Variants in RGS12 observed in about 807,000 individuals in gnomAD.
RGS12 encodes the protein regulator of G protein signaling 12.
RGS12 carries 66 observed loss-of-function variants against 120.1 expected under a neutral mutation model. The ratio of observed to expected loss-of-function variants is 0.55; its 90% CI spans 0.45 to 0.67. RGS12 has a LOEUF of 0.67. RGS12 is among the 30% of genes least tolerant of loss of function. The pLI is 0.00. For synonymous variants in RGS12, 827 were observed against 804.7 expected, an observed-to-expected ratio of 1.03 and a Z score of -0.47; for missense variants, 1,859 against 1,957.7, an observed-to-expected ratio of 0.95 and a Z score of 0.95.
At chr4:3,338,087 T>G (rs529752693) in intron 2 of RGS12, among the ~76,000 whole-genome samples, 1 of 152,218 alleles carries the variant, frequency 6.6e-6, no homozygotes, top group South Asian at 2.1e-4. Context: ...TTAGACAGAG[T>G]TTTGCTCTTG....
At chr4:3,436,516 T>TG (rs1251974478) in intron 17 of RGS12, among the ~76,000 whole-genome samples, 2 of 151,902 alleles carry the variant, frequency 1.3e-5, no homozygotes, top group African/African-American at 4.8e-5. Flanking sequence ...GGGCGGGCAG[T>TG]GGGAGAGGTG....
At position 3,430,833 on chromosome 4, in the gene RGS12, C is replaced by A. The variant is rs201116297; in HGVS notation, c.3992C>A (p.Thr1331Lys). The A allele has an allele frequency of 1.9e-6, 3 of 1,611,656 alleles. No homozygotes were observed. Among genetic ancestry groups the A allele is most frequent in the Non-Finnish European group, 2.5e-6 (3 of 1,179,482 alleles). The change falls in exon 17 of 18, where the codon ACG (threonine) becomes AAG (lysine). Residue 1331 changes from threonine (T) to lysine (K), a missense_variant. Transcript: ENST00000336727. ...SQEVEAGGIQ[T>K]VEDEHVAELT... ...GAAGTGGAGGCCGGGGGCATCCAGACGGTGGAGGATGAGCACGTGGCCGAG... is the reference window on the plus strand; with the variant it reads ...GAAGTGGAGGCCGGGGGCATCCAGAAGGTGGAGGATGAGCACGTGGCCGAG...
In RGS12 at chr4:3,416,044, A is replaced by G. The variant is rs561984032; in HGVS notation, c.2350A>G (p.Ile784Val). The change falls in exon 7 of 18, where the codon ATC becomes GTC. Residue 784 changes from isoleucine (I) to valine (V), a missense_variant. Around this residue, in one of 3 missense-constraint regions of RGS12, gnomAD observed 375 missense variants for 475.0 expected, o/e 0.79. Transcript: ENST00000336727. ...CAGCAAAGCCACCACCCCGGTCAAC[A>G]TCGACAGCCAGGCCCAGCTAGCAGA... ...LCSKATTPVN[I>V]DSQAQLADDV... is the part of the protein sequence containing the mutation. 2 of 1,613,990 alleles carry G rather than the reference A, an allele frequency of 1.2e-6. No homozygotes were observed. The highest frequency in any genetic ancestry group is 2.2e-5 in the East Asian group (1 of 44,864).
the RGS12 span, among the ~76,000 whole-genome samples, chr4:3,287,131 C>T: frequency 7.2e-5 from 11 of 152,232 alleles, no homozygotes; most frequent in South Asian, 6.2e-4. Flanking sequence ...GCTCACTGAA[C>T]AGCGGAAGAG....
In RGS12 at chr4:3,372,144, C is replaced by T. The variant is rs979060992; in HGVS notation, c.1999-14272C>T. On this transcript the variant is annotated intron_variant, in intron 3 of 17. Transcript: ENST00000336727. This position sits in a 1 kb window ranked among gnomAD's most constrained non-coding sequence, Gnocchi z 4.3. ...ACTAGTTAGATGCTGAGAGGAGGCA[C>T]GGAGACCCCAGCCCCAAAGAAATAG... Among the ~76,000 whole-genome samples the T allele has an allele frequency of 2.0e-5, 3 of 152,172 alleles. No homozygotes were observed. The highest frequency in any genetic ancestry group is 7.2e-5 in the African/African-American group (3 of 41,440).
chr4:3,427,939 T>G (rs550903930), intron 14 of RGS12, 151 bp from the exon 15 acceptor site: 1 of 744,086 alleles, frequency 1.3e-6, no homozygotes, highest in Admixed American at 2.0e-5. Flanking sequence ...CCATGGGGAC[T>G]CCCCTCAGGG....
At chr4:3,337,154 C>T (rs1376487336) in intron 2 of RGS12, among the ~76,000 whole-genome samples, 2 of 152,188 alleles carry the variant, frequency 1.3e-5, no homozygotes, top group Non-Finnish European at 2.9e-5. Context: ...AGTGAGTCAG[C>T]ACCTTACACT....
At position 3,420,778 on chromosome 4, in the gene RGS12, T is replaced by C. The variant is rs891990569; in HGVS notation, c.2838+60T>C. ...AGGGGTGTCCCCACCAGCTGACTGA[T>C]GACACCTCTCTCCCATGGAAACCTG... On this transcript the variant is annotated intron_variant, in intron 10 of 17. Coordinates refer to ENST00000336727, the MANE Select transcript of RGS12 (RefSeq NM_001394154.1). 1.0e-5 allele frequency: 14 copies of C among 1,334,056 alleles called. No individual in the cohort carries two copies. In the Admixed American group the frequency reaches 2.6e-4, roughly 25 times the overall value. The allele number at this position is 1,334,056 out of a possible 1,614,324, so 82.6% of individuals were successfully genotyped here.
chr4:3,405,737 T>G (rs539744555), intron 4 of RGS12, among the ~76,000 whole-genome samples: 7 of 152,330 alleles, frequency 4.6e-5, no homozygotes, highest in East Asian at 3.9e-4. Flanking sequence ...AGGTTGCGTG[T>G]GTGCAGGTGT....
chr4:3,296,816 G>A (rs766251344), intron 1 of RGS12, among the ~76,000 whole-genome samples: 48 of 152,200 alleles, frequency 3.2e-4, no homozygotes, highest in Non-Finnish European at 6.3e-4. Flanking sequence ...AGGTGTCCTG[G>A]GAAGGAAGAC....
chr4:3,417,385 C>A lies in RGS12; in HGVS notation c.2608-3C>A. The A allele has an allele frequency of 6.4e-7, 1 of 1,567,196 alleles. No individual in the cohort carries two copies. Among genetic ancestry groups the A allele is most frequent in the South Asian group, 1.2e-5 (1 of 86,622 alleles). On this transcript the variant is annotated splice_polypyrimidine_tract_variant and splice_region_variant and intron_variant, in intron 8 of 17. Transcript: ENST00000336727. ...TTTAACCAAGGTTTCCATTTGATGACAGTTAAGTGGAAAATCAAAATCCGG... is the reference window on the plus strand; with the variant it reads ...TTTAACCAAGGTTTCCATTTGATGAAAGTTAAGTGGAAAATCAAAATCCGG...
intron 3 of RGS12, among the ~76,000 whole-genome samples, chr4:3,351,752 C>T (rs981819074): frequency 3.3e-5 from 5 of 152,122 alleles, no homozygotes; most frequent in East Asian, 1.9e-4. Context: ...CATCACCACA[C>T]GAGAACGGAC....
intron 1 of RGS12, among the ~76,000 whole-genome samples, chr4:3,297,928 T>G (rs898682405): frequency 1.6e-4 from 25 of 152,238 alleles, no homozygotes; most frequent in Admixed American, 6.5e-4. Context: ...GGTCCTTGAT[T>G]TAGAAAACAT....
chr4:3,406,763 G>T (rs6446739), intron 4 of RGS12, among the ~76,000 whole-genome samples: 7,681 of 152,324 alleles, frequency 0.05, 616 homozygotes, highest in African/African-American at 0.17. Flanking sequence ...AGGAGCAACA[G>T]AGGTGGGTGT....
chr4:3,322,223 G>A (rs1332443490), intron 2 of RGS12, among the ~76,000 whole-genome samples: 1 of 152,224 alleles, frequency 6.6e-6, no homozygotes, highest in East Asian at 1.9e-4. Flanking sequence ...GCCACGTGGT[G>A]ACCTTGTGCC....
chr4:3,425,615 G>A, intron 14 of RGS12, 55 bp downstream of exon 14: 1 of 1,390,152 alleles, frequency 7.2e-7, no homozygotes, highest in Admixed American at 1.8e-5. Flanking sequence ...CAGTGCAGGG[G>A]AGGGGGCTAT....
intron 2 of RGS12, chr4:3,324,391 G>T: frequency 4.7e-6 from 1 of 211,112 alleles, no homozygotes; most frequent in Non-Finnish European, 9.5e-6. Flanking sequence ...CTCTTAGTGG[G>T]GATGTCCCCT....
In RGS12 at chr4:3,339,386, G is replaced by A. The variant is rs543439698; in HGVS notation, c.1882-3551G>A. Among the ~76,000 whole-genome samples, 8 of 152,336 alleles carry A rather than the reference G, an allele frequency of 5.3e-5. No homozygotes were observed. The South Asian group carries it at 1.7e-3, about 32-fold the overall frequency. On this transcript the variant is annotated intron_variant, in intron 2 of 17. Transcript: ENST00000336727. ...GGTCCCAGCTACTCAGGAGGCTGAG[G>A]TGGGAGGATCACTTGAGCCTGGGAG...
At chr4:3,412,287 C>T (rs1350382396) in intron 4 of RGS12, among the ~76,000 whole-genome samples, 1 of 152,230 alleles carries the variant, frequency 6.6e-6, no homozygotes, top group Non-Finnish European at 1.5e-5. Flanking sequence ...CCACTTTTCT[C>T]TGGATTAGCG....
Sources: gnomAD v4.1 joint callset for allele counts (sites outside exome capture counted in the v4.1 genomes callset) on GRCh38, gnomAD v4.1.1 for gene constraint, gnomAD v4.1.1 regional missense constraint, Gnocchi (gnomAD v3.1) non-coding constraint, MANE v1.5 for transcripts, NCBI Gene and HGNC (gene_info 2026-07-23, HGNC 2026-07-21) for gene names.